The following SCRG1 variants were observed in gnomAD, a reference collection of about 807,000 sequenced individuals.
The protein encoded by SCRG1 is scrapie-responsive protein 1.
In SCRG1, 3 loss-of-function variants were observed where a neutral mutation model predicts 7.7. That is an observed-to-expected ratio of 0.39 (90% CI 0.18 to 1.01). The LOEUF (loss-of-function observed/expected upper bound fraction) is 1.01. Ranked by LOEUF, SCRG1 falls within the 50% of genes least tolerant of loss-of-function variation. The pLI is 0.36. For synonymous variants in SCRG1, 46 were observed against 41.2 expected (o/e 1.12, Z -0.44); for missense variants, 110 against 117.2 (o/e 0.94, Z 0.28).
the SCRG1 span, among the ~76,000 whole-genome samples, chr4:173,481,424 A>G: frequency 1.0e-3 from 153 of 152,350 alleles, 3 homozygotes; most frequent in African/African-American, 3.6e-3. Flanking sequence ...TTCACAATTT[A>G]TAAATAATTA....
the SCRG1 span, among the ~76,000 whole-genome samples, chr4:173,420,796 C>G: frequency 6.6e-6 from 1 of 151,858 alleles, no homozygotes; most frequent in African/African-American, 2.4e-5. Context: ...CTATAAATTG[C>G]TTGTAAATGA....
At chr4:173,432,278 T>C in the SCRG1 span, among the ~76,000 whole-genome samples, 810 of 143,996 alleles carry the variant, frequency 5.6e-3, 6 homozygotes, top group African/African-American at 0.02. Flanking sequence ...TCCCTTTCTT[T>C]CTTCCTTCCT....
the SCRG1 span, among the ~76,000 whole-genome samples, chr4:173,508,097 C>T: frequency 3.1e-4 from 47 of 151,926 alleles, no homozygotes; most frequent in Non-Finnish European, 2.9e-5. The surrounding 1 kb of genome is among the most constrained non-coding windows in gnomAD (Gnocchi z 4.4). Flanking sequence ...GGGAAAAGCC[C>T]GAGAAAAGCC....
the SCRG1 span, among the ~76,000 whole-genome samples, chr4:173,423,717 C>T: frequency 6.7e-6 from 1 of 149,198 alleles, no homozygotes; most frequent in Admixed American, 6.7e-5. Flanking sequence ...ACTGTAATAC[C>T]TCTGATGGAA....
the SCRG1 span, among the ~76,000 whole-genome samples, chr4:173,418,695 TCA>T: frequency 6.6e-6 from 1 of 152,150 alleles, no homozygotes; most frequent in East Asian, 1.9e-4. Flanking sequence ...ATTGTAATTC[TCA>T]GTGTTGCAGG....
the SCRG1 span, among the ~76,000 whole-genome samples, chr4:173,458,891 C>T: frequency 2.0e-5 from 3 of 151,930 alleles, no homozygotes; most frequent in African/African-American, 7.2e-5. Flanking sequence ...TAAAGACATA[C>T]ATAGACCAAA....
chr4:173,456,593 A>G, the SCRG1 span, among the ~76,000 whole-genome samples: 1 of 152,166 alleles, frequency 6.6e-6, no homozygotes, highest in African/African-American at 2.4e-5. Context: ...ACTTTTTGTT[A>G]TGTAATGCAC....
the SCRG1 span, among the ~76,000 whole-genome samples, chr4:173,443,587 T>C: frequency 9.2e-5 from 14 of 152,232 alleles, no homozygotes; most frequent in Non-Finnish European, 1.9e-4. Context: ...CCTTTATTGA[T>C]CACTTTTCTT....
chr4:173,511,398 C>T, the SCRG1 span, among the ~76,000 whole-genome samples: 43 of 152,320 alleles, frequency 2.8e-4, no homozygotes, highest in Non-Finnish European at 5.3e-4. This position sits in a 1 kb window ranked among gnomAD's most constrained non-coding sequence, Gnocchi z 5.2. Context: ...CCTCTTTTCT[C>T]GCCTGGCCTG....
At chr4:173,425,308 T>A in the SCRG1 span, among the ~76,000 whole-genome samples, 1 of 152,362 alleles carries the variant, frequency 6.6e-6, no homozygotes, top group South Asian at 2.1e-4. Context: ...TTCACATGAC[T>A]AATTAGGAGG....
chr4:173,448,880 T>C, the SCRG1 span, among the ~76,000 whole-genome samples: 1 of 152,212 alleles, frequency 6.6e-6, no homozygotes, highest in South Asian at 2.1e-4. Context: ...AGCCTCCTTG[T>C]ACAGGTTCTT....
upstream of SCRG1, among the ~76,000 whole-genome samples, chr4:173,408,234 G>A (rs1377545358): frequency 1.3e-5 from 2 of 152,138 alleles, no homozygotes; most frequent in African/African-American, 4.8e-5. Flanking sequence ...TCCACTGAAA[G>A]TTTAAAGCAT....
the SCRG1 span, among the ~76,000 whole-genome samples, chr4:173,427,609 C>T: frequency 6.6e-6 from 1 of 152,202 alleles, no homozygotes; most frequent in African/African-American, 2.4e-5. Context: ...CATGGTGCAG[C>T]TCCATGGCAC....
chr4:173,496,629 A>G, the SCRG1 span, among the ~76,000 whole-genome samples: 1 of 152,258 alleles, frequency 6.6e-6, no homozygotes, highest in Non-Finnish European at 1.5e-5. Context: ...CATAATGATT[A>G]ATAATAGTAT....
the SCRG1 span, among the ~76,000 whole-genome samples, chr4:173,515,298 G>T: frequency 5.9e-5 from 9 of 152,144 alleles, no homozygotes; most frequent in South Asian, 1.7e-3. The surrounding 1 kb of genome is among the most constrained non-coding windows in gnomAD (Gnocchi z 4.6). Flanking sequence ...AGATGTATTC[G>T]CAGTTTGGAG....
chr4:173,483,893 G>T, the SCRG1 span, among the ~76,000 whole-genome samples: 1 of 60,778 alleles, frequency 1.6e-5, no homozygotes, highest in Non-Finnish European at 2.7e-5. Flanking sequence ...TATAATATAT[G>T]TTATATATAT....
chr4:173,467,886 C>T, the SCRG1 span: 2 of 152,070 alleles, frequency 1.3e-5, no homozygotes, highest in Admixed American at 6.6e-5. Flanking sequence ...TGAGATTTTC[C>T]CCAAGTGGAA....
the SCRG1 span, among the ~76,000 whole-genome samples, chr4:173,412,604 C>G: frequency 1.3e-5 from 2 of 152,182 alleles, no homozygotes; most frequent in Middle Eastern, 3.2e-3. Context: ...GCCTCATGCT[C>G]TTCGTGACTT....
chr4:173,388,913 C>T (rs1739329766), intron 2 of SCRG1, among the ~76,000 whole-genome samples: 1 of 152,104 alleles, frequency 6.6e-6, no homozygotes, highest in Non-Finnish European at 1.5e-5. Flanking sequence ...ATAATTATGG[C>T]TTATTAGAAA....
Sources: gnomAD v4.1 joint callset for allele counts (sites outside exome capture counted in the v4.1 genomes callset) on GRCh38, gnomAD v4.1.1 for gene constraint, Gnocchi (gnomAD v3.1) non-coding constraint, MANE v1.5 for transcripts, NCBI Gene and HGNC (gene_info 2026-07-23, HGNC 2026-07-21) for gene names.